Variants in ZNF385D observed in about 807,000 individuals in gnomAD.
ZNF385D encodes the protein zinc finger protein 659.
In ZNF385D, 15 loss-of-function variants were observed where a neutral mutation model predicts 35.8. That is an observed-to-expected ratio of 0.42 (90% CI 0.28 to 0.64). The LOEUF (loss-of-function observed/expected upper bound fraction) is 0.64. ZNF385D is among the 30% of genes least tolerant of loss of function. ZNF385D has a pLI of 0.23. For synonymous variants in ZNF385D, 212 were observed against 186.8 expected (o/e 1.13, Z -1.10); for missense variants, 474 against 494.6 (o/e 0.96, Z 0.39).
chr3:21,714,383 A>G (rs373083197), intron 1 of ZNF385D, among the ~76,000 whole-genome samples: 2 of 152,306 alleles, frequency 1.3e-5, no homozygotes, highest in South Asian at 2.1e-4. Context: ...GAGCCTCACT[A>G]AAACGTCACT....
At chr3:22,264,684 C>T (rs186450651) in intron 2 of ZNF385D, among the ~76,000 whole-genome samples, 12 of 151,946 alleles carry the variant, frequency 7.9e-5, no homozygotes, top group African/African-American at 2.4e-4. Context: ...GAAAGAAAGA[C>T]ACCTATTGGT....
At chr3:21,781,405 C>T (rs1233599753) in intron 3 of ZNF385D, among the ~76,000 whole-genome samples, 2 of 151,984 alleles carry the variant, frequency 1.3e-5, no homozygotes, top group African/African-American at 2.4e-5. Context: ...TTCAACTCCT[C>T]CTTACACTTC....
chr3:22,181,771 G>C (rs1166506603), intron 2 of ZNF385D, among the ~76,000 whole-genome samples: 1 of 151,174 alleles, frequency 6.6e-6, no homozygotes, highest in Non-Finnish European at 1.5e-5. Context: ...GTTACAAAAA[G>C]ATAGTAATGC....
At chr3:21,917,409 G>A (rs972158761) in intron 3 of ZNF385D, among the ~76,000 whole-genome samples, 2 of 150,280 alleles carry the variant, frequency 1.3e-5, no homozygotes, top group Non-Finnish European at 2.9e-5. Context: ...TCCAGCCTGG[G>A]CAACAGAGTG....
intron 3 of ZNF385D, among the ~76,000 whole-genome samples, chr3:21,871,519 A>G (rs1018384751): frequency 1.3e-5 from 2 of 152,180 alleles, no homozygotes; most frequent in Admixed American, 1.3e-4. Flanking sequence ...AGTGACTGGC[A>G]TATAGTAGGT....
At chr3:21,798,539 C>T (rs1209094439) in intron 3 of ZNF385D, among the ~76,000 whole-genome samples, 1 of 151,954 alleles carries the variant, frequency 6.6e-6, no homozygotes, top group Non-Finnish European at 1.5e-5. Context: ...CTTGTCTCTT[C>T]AATTGGCTCA....
chr3:22,178,682 T>C (rs192000531), intron 2 of ZNF385D, among the ~76,000 whole-genome samples: 2 of 152,196 alleles, frequency 1.3e-5, no homozygotes, highest in African/African-American at 2.4e-5. Flanking sequence ...CTGAATGGTA[T>C]TGCCTAGGTT....
intron 3 of ZNF385D, among the ~76,000 whole-genome samples, chr3:22,111,428 C>T (rs1435120320): frequency 2.6e-5 from 4 of 151,910 alleles, no homozygotes; most frequent in Admixed American, 2.6e-4. Flanking sequence ...AGAAAGTGAG[C>T]CCTACCACAG....
At chr3:21,994,050 C>A (rs1467641998) in intron 3 of ZNF385D, among the ~76,000 whole-genome samples, 1 of 152,160 alleles carries the variant, frequency 6.6e-6, no homozygotes, top group African/African-American at 2.4e-5. Context: ...TTAGCATAAG[C>A]CCAAACCTAC....
At chr3:21,781,241 C>A (rs1038909932) in intron 3 of ZNF385D, among the ~76,000 whole-genome samples, 4 of 151,938 alleles carry the variant, frequency 2.6e-5, no homozygotes, top group African/African-American at 7.2e-5. Context: ...AAAGAAGGAG[C>A]TTTAGGAAAG....
chr3:21,450,587 T>C (rs1256189594), intron 4 of ZNF385D, among the ~76,000 whole-genome samples: 1 of 152,172 alleles, frequency 6.6e-6, no homozygotes, highest in Non-Finnish European at 1.5e-5. Context: ...AATCAGTTTT[T>C]CTCAGAAGCT....
At chr3:21,471,364 C>T (rs939092455) in intron 4 of ZNF385D, among the ~76,000 whole-genome samples, 5 of 147,634 alleles carry the variant, frequency 3.4e-5, no homozygotes, top group African/African-American at 1.3e-4. Context: ...TTTACTACTA[C>T]TTGGTAGGAT....
chr3:22,126,862 G>T (rs1432264948), intron 3 of ZNF385D, among the ~76,000 whole-genome samples: 1 of 152,060 alleles, frequency 6.6e-6, no homozygotes, highest in East Asian at 1.9e-4. Flanking sequence ...CCAGCATTGG[G>T]TGCATATACA....
chr3:22,214,725 G>A (rs903347085), intron 2 of ZNF385D, among the ~76,000 whole-genome samples: 1 of 151,836 alleles, frequency 6.6e-6, no homozygotes, highest in Non-Finnish European at 1.5e-5. Flanking sequence ...ATAAATTTTT[G>A]ATCAGACCAG....
At chr3:22,221,622 T>C (rs575933011) in intron 2 of ZNF385D, among the ~76,000 whole-genome samples, 4 of 152,294 alleles carry the variant, frequency 2.6e-5, no homozygotes, top group Non-Finnish European at 5.9e-5. Context: ...AATACATTTC[T>C]TTGTAGCTGT....
At chr3:22,093,504 G>C (rs1701437649) in intron 3 of ZNF385D, among the ~76,000 whole-genome samples, 1 of 151,914 alleles carries the variant, frequency 6.6e-6, no homozygotes, top group Non-Finnish European at 1.5e-5. Context: ...TAATATTAAA[G>C]GTCTATTTAT....
At position 21,414,245 on chromosome 3, in the gene ZNF385D, A is replaced by T. The variant is rs1176261904; in HGVS notation, c.*6969T>A. ...AAAAAAAGTTCAGTTAGGAGACCTT[A>T]GTTGAAACTGACATAAGATTTTTGC... is the stretch of plus-strand genomic sequence containing the variant. On this transcript the variant is annotated 3_prime_UTR_variant, in exon 8 of 8. Coordinates refer to ENST00000281523, the MANE Select transcript of ZNF385D (RefSeq NM_024697.3). The T allele has an allele frequency of 6.6e-6, 1 of 152,092 alleles. No homozygotes were observed. Among genetic ancestry groups the T allele is most frequent in the East Asian group, 1.9e-4 (1 of 5,196 alleles). 9.4% of individuals were successfully genotyped at this position (152,092 alleles called of 1,614,324 possible).
chr3:21,873,996 T>G (rs1243341324), intron 3 of ZNF385D, among the ~76,000 whole-genome samples: 2 of 147,368 alleles, frequency 1.4e-5, no homozygotes, highest in Non-Finnish European at 3.0e-5. Flanking sequence ...TTTTTTTTTG[T>G]ATAAATACCC....
At chr3:21,514,818 T>C (rs999024555) in intron 3 of ZNF385D, among the ~76,000 whole-genome samples, 1 of 152,136 alleles carries the variant, frequency 6.6e-6, no homozygotes, top group African/African-American at 2.4e-5. Context: ...CCGCTAAATT[T>C]AATTTGTCTA....
Sources: gnomAD v4.1 joint callset for allele counts (sites outside exome capture counted in the v4.1 genomes callset) on GRCh38, gnomAD v4.1.1 for gene constraint, MANE v1.5 for transcripts, NCBI Gene and HGNC (gene_info 2026-07-23, HGNC 2026-07-21) for gene names.